RABGAP1L: variants seen among roughly 807,000 people sequenced by gnomAD.
RABGAP1L encodes the protein rab GTPase-activating protein 1-like.
In RABGAP1L, 63 loss-of-function variants were observed where a neutral mutation model predicts 137.7. The observed-to-expected ratio is 0.46, with a 90% CI of 0.37 to 0.56. The LOEUF (loss-of-function observed/expected upper bound fraction) is 0.56. RABGAP1L is among the 20% of genes least tolerant of loss of function. The probability of loss-of-function intolerance (pLI) is 0.00; values close to 1 mark genes in which losing one functional copy is unlikely to be tolerated. For synonymous variants in RABGAP1L, 431 were observed against 433.7 expected, an observed-to-expected ratio of 0.99 and a Z score of 0.08; for missense variants, 1,095 against 1,244.0, an observed-to-expected ratio of 0.88 and a Z score of 1.80.
intron 13 of RABGAP1L, among the ~76,000 whole-genome samples, chr1:174,509,451 A>G (rs1375352329): frequency 1.3e-5 from 2 of 152,096 alleles, no homozygotes; most frequent in African/African-American, 4.8e-5. Flanking sequence ...AATACATTAT[A>G]GTAACCAAAA....
chr1:174,350,769 A>C (rs1408846884), intron 11 of RABGAP1L, among the ~76,000 whole-genome samples: 1 of 57,484 alleles, frequency 1.7e-5, no homozygotes, highest in Non-Finnish European at 3.4e-5. Flanking sequence ...TAGTGAGCCG[A>C]GATCACGCCA....
intron 5 of RABGAP1L, chr1:174,246,288 C>T (rs925991428): frequency 1.6e-4 from 25 of 152,182 alleles, no homozygotes; most frequent in African/African-American, 5.5e-4. Context: ...TCTATAGATA[C>T]TGTTTTCTGG....
intron 18 of RABGAP1L, among the ~76,000 whole-genome samples, chr1:174,782,133 C>A (rs1469571482): frequency 1.3e-5 from 2 of 152,104 alleles, no homozygotes; most frequent in Non-Finnish European, 2.9e-5. Flanking sequence ...GGGGATGGCA[C>A]TGAATCTATA....
intron 13 of RABGAP1L, among the ~76,000 whole-genome samples, chr1:174,610,121 T>C (rs576852649): frequency 6.6e-6 from 1 of 151,434 alleles, no homozygotes; most frequent in Admixed American, 6.6e-5. Context: ...TAGTTACATA[T>C]GTATACATGT....
intron 25 of RABGAP1L, 81 bp downstream of exon 25, chr1:174,988,919 A>G (rs1335537331): frequency 7.8e-7 from 1 of 1,275,492 alleles, no homozygotes; most frequent in Non-Finnish European, 1.0e-6. Flanking sequence ...GAATACACCT[A>G]TCTAGGTCAG....
chr1:174,929,848 ATTTTTT>A (rs58140970), intron 19 of RABGAP1L, among the ~76,000 whole-genome samples: 1 of 124,724 alleles, frequency 8.0e-6, no homozygotes, highest in African/African-American at 3.1e-5. Context: ...GCAAAATTTA[ATTTTTT>A]TTTTTTTTTT....
At chr1:174,183,397 A>T (rs1239279651) in intron 1 of RABGAP1L, among the ~76,000 whole-genome samples, 1 of 152,136 alleles carries the variant, frequency 6.6e-6, no homozygotes, top group Non-Finnish European at 1.5e-5. Flanking sequence ...AAGTCTTGGG[A>T]TTACAGGTGT....
intron 11 of RABGAP1L, among the ~76,000 whole-genome samples, chr1:174,309,479 T>C (rs1249343005): frequency 6.6e-6 from 1 of 152,102 alleles, no homozygotes; most frequent in Non-Finnish European, 1.5e-5. Flanking sequence ...AGTATAATGT[T>C]AGCTATGGGT....
chr1:174,296,874 G>C (rs1208456144), intron 10 of RABGAP1L, among the ~76,000 whole-genome samples: 1 of 152,084 alleles, frequency 6.6e-6, no homozygotes, highest in African/African-American at 2.4e-5. Context: ...TTATCCATAA[G>C]GTGTTTAGTG....
chr1:174,263,105 G>A (rs560370513), intron 7 of RABGAP1L, among the ~76,000 whole-genome samples: 2 of 152,286 alleles, frequency 1.3e-5, no homozygotes, highest in East Asian at 3.9e-4. Context: ...GACACTGTGT[G>A]CCCCAGGCCT....
chr1:174,247,893 T>C (rs1672396740), intron 5 of RABGAP1L, among the ~76,000 whole-genome samples: 1 of 150,370 alleles, frequency 6.7e-6, no homozygotes, highest in Non-Finnish European at 1.5e-5. Flanking sequence ...GGGGAGCCGC[T>C]TTTTTTTTGC....
intron 1 of RABGAP1L, among the ~76,000 whole-genome samples, chr1:174,179,135 C>G (rs1666139345): frequency 6.6e-6 from 1 of 152,038 alleles, no homozygotes; most frequent in Non-Finnish European, 1.5e-5. Flanking sequence ...TACTCAAACT[C>G]CTGGGCTCAA....
intron 1 of RABGAP1L, among the ~76,000 whole-genome samples, chr1:174,174,897 C>T (rs1023949847): frequency 6.6e-6 from 1 of 152,184 alleles, no homozygotes; most frequent in Non-Finnish European, 1.5e-5. Context: ...TTGGGAAACA[C>T]CCTCATAGGC....
intron 14 of RABGAP1L, among the ~76,000 whole-genome samples, chr1:174,681,867 A>G (rs1678088274): frequency 6.6e-6 from 1 of 152,254 alleles, no homozygotes; most frequent in Admixed American, 6.5e-5. Flanking sequence ...AAATCAAAAT[A>G]CATTCTATTA....
At chr1:174,346,717 T>G (rs902584872) in intron 11 of RABGAP1L, among the ~76,000 whole-genome samples, 6 of 152,044 alleles carry the variant, frequency 3.9e-5, no homozygotes, top group African/African-American at 1.4e-4. Flanking sequence ...TGCATTTTTT[T>G]CATTTATTTC....
At chr1:174,938,985 G>A (rs188943857) in intron 19 of RABGAP1L, among the ~76,000 whole-genome samples, 1 of 152,268 alleles carries the variant, frequency 6.6e-6, no homozygotes, top group East Asian at 1.9e-4. Context: ...CCTTAAAGAG[G>A]CACACAAAAT....
intron 6 of RABGAP1L, among the ~76,000 whole-genome samples, chr1:174,252,110 G>T (rs534994161): frequency 2.6e-5 from 4 of 152,224 alleles, no homozygotes; most frequent in African/African-American, 9.6e-5. Context: ...GGCCAGGCTG[G>T]CCTCAAACTC....
At chr1:174,445,014 C>T (rs1392620657) in intron 13 of RABGAP1L, among the ~76,000 whole-genome samples, 1 of 151,970 alleles carries the variant, frequency 6.6e-6, no homozygotes, top group Non-Finnish European at 1.5e-5. Flanking sequence ...CTGCTTTCTT[C>T]ATTTGGAAAA....
intron 11 of RABGAP1L, among the ~76,000 whole-genome samples, chr1:174,311,233 T>C (rs902711374): frequency 2.6e-5 from 4 of 152,174 alleles, no homozygotes; most frequent in African/African-American, 9.7e-5. Flanking sequence ...AGGTACTTTC[T>C]TCACAAGGCG....
Sources: allele counts gnomAD v4.1 joint callset (sites outside exome capture counted in the v4.1 genomes callset), GRCh38; gene constraint gnomAD v4.1.1; transcripts MANE v1.5; gene names NCBI Gene and HGNC (gene_info 2026-07-23, HGNC 2026-07-21).